The following THEMIS2 variants were observed in gnomAD, a reference collection of about 807,000 sequenced individuals.
The protein encoded by THEMIS2 is protein THEMIS2.
A neutral mutation model predicts 46.8 loss-of-function variants in THEMIS2; 29 were observed. The observed-to-expected ratio is 0.62, with a 90% confidence interval of 0.46 to 0.84. THEMIS2 has a LOEUF of 0.84. THEMIS2 is among the 40% of genes least tolerant of loss of function. The probability of loss-of-function intolerance (pLI) is 0.00; values close to 1 mark genes in which losing one functional copy is unlikely to be tolerated. For synonymous variants in THEMIS2, 335 were observed against 349.1 expected (o/e 0.96, Z 0.45); for missense variants, 698 against 834.7 (o/e 0.84, Z 2.02).
chr1:27,885,182 A>T (rs2089747549), intron 4 of THEMIS2, 113 bp from the exon 5 acceptor site: 4 of 1,147,664 alleles, frequency 3.5e-6, no homozygotes, highest in Non-Finnish European at 4.9e-6. Context: ...TAGCCTGAAA[A>T]GGAAGTAGAG....
chr1:27,886,220 C>T lies in THEMIS2; in HGVS notation c.*298C>T. 7.1e-6 allele frequency: 3 copies of T among 422,166 alleles called. No individual in the cohort carries two copies. The highest frequency in any genetic ancestry group is 4.7e-5 in the East Asian group (1 of 21,490). The allele number at this position is 422,166 out of a possible 1,614,324, so 26.2% of individuals were successfully genotyped here. On this transcript the variant is annotated 3_prime_UTR_variant, in exon 6 of 6. Coordinates refer to ENST00000373921, the MANE Select transcript of THEMIS2 (RefSeq NM_001105556.3). ...CTCTCAATCCTGCAACCCCAGCTGT[C>T]CCACCGGTGGATGCAGAGGGGAATC... is the stretch of plus-strand genomic sequence containing the variant.
Position 27,886,234 on chromosome 1 carries a change from C to T in THEMIS2, c.*312C>T. On this transcript the variant is annotated 3_prime_UTR_variant, in exon 6 of 6. Coordinates refer to ENST00000373921, the MANE Select transcript of THEMIS2 (RefSeq NM_001105556.3). ...ACCCCAGCTGTCCCACCGGTGGATG[C>T]AGAGGGGAATCCGAGGCCATCAACC... 2.5e-6 allele frequency: 1 copy of T among 394,954 alleles called. No individual in the cohort carries two copies. Among genetic ancestry groups the T allele is most frequent in the Non-Finnish European group, 4.7e-6 (1 of 213,572 alleles). The allele number at this position is 394,954 out of a possible 1,614,324, so 24.5% of individuals were successfully genotyped here. A position where few individuals can be genotyped will look rare whatever the true frequency, so the allele number is the denominator to read the frequency against.
Position 27,882,756 on chromosome 1 carries a change from G to A in THEMIS2, c.1432G>A (p.Glu478Lys). 2.5e-6 allele frequency: 4 copies of A among 1,613,990 alleles called. No individual in the cohort carries two copies. The highest frequency in any genetic ancestry group is 3.4e-6 in the Non-Finnish European group (4 of 1,179,990). Residue 478 changes from glutamate (E) to lysine (K), a missense_variant, in exon 4 of 6, where the codon GAG (glutamate) becomes AAG (lysine). Glu to Lys is a moderately conservative substitution (Grantham distance 56). Coordinates refer to ENST00000373921, the MANE Select transcript of THEMIS2 (RefSeq NM_001105556.3). This position sits in a 1 kb window ranked among gnomAD's most constrained non-coding sequence, Gnocchi z 7.6. ...GACCTCCTTCCTGGGCCTGCGGCTG[G>A]AGGAGAAGATCACAGAGCCATTCTT... is the stretch of plus-strand genomic sequence containing the variant. Reference protein sequence around the residue: ...PLTSFLGLRLEEKITEPFLVV... With the variant: ...PLTSFLGLRLKEKITEPFLVV...
intron 3 of THEMIS2, among the ~76,000 whole-genome samples, chr1:27,880,522 G>A (rs992241435): frequency 1.3e-5 from 2 of 152,118 alleles, no homozygotes; most frequent in Non-Finnish European, 2.9e-5. Context: ...TCTCGGCTAC[G>A]CCAGGTGCAG....
chr1:27,880,523 C>T (rs1279721760), intron 3 of THEMIS2, among the ~76,000 whole-genome samples: 2 of 152,154 alleles, frequency 1.3e-5, no homozygotes, highest in East Asian at 1.9e-4. Flanking sequence ...CTCGGCTACG[C>T]CAGGTGCAGT....
rs753672241 is a variant in THEMIS2, at chr1:27,882,639, C to T, written c.1315C>T (p.Arg439Cys). ...CGTGGAGGAGATGAGTGACAGCCGG[C>T]GCTACAGCCTGGCAGATCTGACTGC... ...SFVEEMSDSR[R>C]YSLADLTAQF... Residue 439 changes from arginine to cysteine, a missense_variant, in exon 4 of 6, where the codon CGC (arginine) becomes TGC (cysteine). Transcript: ENST00000373921. This position sits in a 1 kb window ranked among gnomAD's most constrained non-coding sequence, Gnocchi z 7.6. 1.5e-5 allele frequency: 24 copies of T among 1,613,998 alleles called. No homozygotes were observed. The highest frequency in any genetic ancestry group is 4.4e-5 in the South Asian group (4 of 91,086).
chr1:27,882,466 A>G lies in THEMIS2; in HGVS notation c.1142A>G (p.Gln381Arg). 6 of 1,613,092 alleles carry G rather than the reference A, an allele frequency of 3.7e-6. No homozygotes were observed. Among genetic ancestry groups the G allele is most frequent in the Non-Finnish European group, 5.1e-6 (6 of 1,179,226 alleles). ...CGGCTGGAGGTGCTGGGGCCTGGCCAGGCCCATGGGGCCCAGGGCAGTGAC... is the reference window on the plus strand; with the variant it reads ...CGGCTGGAGGTGCTGGGGCCTGGCCGGGCCCATGGGGCCCAGGGCAGTGAC... ...GDRLEVLGPG[Q>R]AHGAQGSDVD... The change falls in exon 4 of 6, where the codon CAG becomes CGG. Residue 381 changes from glutamine to arginine, a missense_variant. Coordinates refer to ENST00000373921, the MANE Select transcript of THEMIS2 (RefSeq NM_001105556.3). This position sits in a 1 kb window ranked among gnomAD's most constrained non-coding sequence, Gnocchi z 7.6.
chr1:27,876,163 G>T (rs926336642), intron 1 of THEMIS2, among the ~76,000 whole-genome samples: 5 of 150,502 alleles, frequency 3.3e-5, no homozygotes, highest in Admixed American at 1.3e-4. Flanking sequence ...TGATTTTGTA[G>T]CTGTACACTA....
chr1:27,882,159 T>C lies in THEMIS2; in HGVS notation c.835T>C (p.Trp279Arg). Residue 279 changes from tryptophan (W) to arginine (R), a missense_variant, in exon 4 of 6, where the codon TGG becomes CGG. Transcript: ENST00000373921. This position sits in a 1 kb window ranked among gnomAD's most constrained non-coding sequence, Gnocchi z 7.6. ...GGGCCGCCCCATCTTCCTCAGCCCGTGGGTGGGCTCCTTGCAAAAAGGCCA... is the reference window on the plus strand; with the variant it reads ...GGGCCGCCCCATCTTCCTCAGCCCGCGGGTGGGCTCCTTGCAAAAAGGCCA... ...PEGRPIFLSP[W>R]VGSLQKGQRL... The C allele has an allele frequency of 6.2e-7, 1 of 1,614,092 alleles. No individual in the cohort carries two copies. Among genetic ancestry groups the C allele is most frequent in the Non-Finnish European group, 8.5e-7 (1 of 1,179,998 alleles).
chr1:27,876,533 G>A (rs1349324055), intron 1 of THEMIS2, 55 bp from the exon 2 acceptor site: 8 of 1,587,982 alleles, frequency 5.0e-6, no homozygotes, highest in Non-Finnish European at 6.9e-6. Context: ...CAGGGCACAG[G>A]CTGCCCAGCA....
intron 4 of THEMIS2, 45 bp from the exon 5 acceptor site, chr1:27,885,250 C>T (rs1382750709): frequency 1.6e-5 from 26 of 1,603,386 alleles, no homozygotes; most frequent in Non-Finnish European, 2.2e-5. Context: ...GACTCTGCTT[C>T]CCCATTTCTT....
Position 27,885,496 on chromosome 1 carries a change from C to T in THEMIS2, c.1876+45C>T, listed in dbSNP as rs867568376. On this transcript the variant is annotated intron_variant, in intron 5 of 5. Transcript: ENST00000373921. ...GCTCACCCTTGTCCTTGTGTCTCCC[C>T]TCCCTACCTTGCTGCTTCCTTTGCC... 4 of 1,595,238 alleles carry T rather than the reference C, an allele frequency of 2.5e-6. No individual in the cohort carries two copies. The Middle Eastern group carries it at 8.1e-4, about 324-fold the overall frequency.
chr1:27,886,066 T>G lies in THEMIS2; in HGVS notation c.*144T>G. Reference sequence around the variant, plus strand: ...AGTAGCTTTGTGGAAACTGATTTGATGGACACTGCACCAGCTTCCTTCAGG... The same window carrying G: ...AGTAGCTTTGTGGAAACTGATTTGAGGGACACTGCACCAGCTTCCTTCAGG... On this transcript the variant is annotated 3_prime_UTR_variant, in exon 6 of 6. Coordinates refer to ENST00000373921, the MANE Select transcript of THEMIS2 (RefSeq NM_001105556.3). The G allele has an allele frequency of 1.4e-6, 1 of 727,166 alleles. No homozygotes were observed. Among genetic ancestry groups the G allele is most frequent in the Non-Finnish European group, 2.4e-6 (1 of 424,932 alleles). 45.0% of individuals were successfully genotyped at this position (727,166 alleles called of 1,614,324 possible). A position where few individuals can be genotyped will look rare whatever the true frequency, so the allele number is the denominator to read the frequency against.
rs1557446735 is a variant in THEMIS2 at position 27,876,625 on chromosome 1, C to CTCCACGGGGG, written c.133_142dup (p.Asp48ValfsTer19). The CTCCACGGGGG allele has an allele frequency of 6.2e-7, 1 of 1,614,090 alleles. No individual in the cohort carries two copies. The highest frequency in any genetic ancestry group is 8.5e-7 in the Non-Finnish European group (1 of 1,180,002). ...AGATCTCTGGGAATGAGTGCTGCCT[C>CTCCACGGGGG]TCCACGGGGGACCTGATCAAGGTCA... On this transcript the variant is annotated frameshift_variant, in exon 2 of 6. Coordinates refer to ENST00000373921, the MANE Select transcript of THEMIS2 (RefSeq NM_001105556.3). LOFTEE classifies it high-confidence loss of function.
At chr1:27,877,520 A>G (rs1002804819) in intron 2 of THEMIS2, among the ~76,000 whole-genome samples, 9 of 151,930 alleles carry the variant, frequency 5.9e-5, no homozygotes, top group East Asian at 1.9e-4. Flanking sequence ...GTAGAGACAA[A>G]GTTTCACCGT....
At chr1:27,880,237 C>T (rs1044404249) in intron 3 of THEMIS2, among the ~76,000 whole-genome samples, 183 bp downstream of exon 3, 5 of 152,124 alleles carry the variant, frequency 3.3e-5, no homozygotes, top group African/African-American at 1.2e-4. Context: ...GCTCTTGTTG[C>T]CCAAGCTGGA....
At chr1:27,873,006 C>A (rs1055973687) in intron 1 of THEMIS2, among the ~76,000 whole-genome samples, 1 of 152,166 alleles carries the variant, frequency 6.6e-6, no homozygotes, top group African/African-American at 2.4e-5. Context: ...CGCTGGTGGT[C>A]GTGGCTGCGT....
At chr1:27,885,083 A>C in intron 4 of THEMIS2, 17 of 499,162 alleles carry the variant, frequency 3.4e-5, no homozygotes, top group Non-Finnish European at 4.0e-5. Flanking sequence ...CCCCAACCCT[A>C]TCCTCATTTT....
At chr1:27,876,485 A>G (rs2089581487) in intron 1 of THEMIS2, 103 bp from the exon 2 acceptor site, 1 of 1,413,280 alleles carries the variant, frequency 7.1e-7, no homozygotes, top group Admixed American at 2.0e-5. Flanking sequence ...AGCAGGCACC[A>G]TGTGCAAAGG....
Sources: gnomAD v4.1 joint callset for allele counts (sites outside exome capture counted in the v4.1 genomes callset) on GRCh38, gnomAD v4.1.1 for gene constraint, Gnocchi (gnomAD v3.1) non-coding constraint, MANE v1.5 for transcripts, NCBI Gene and HGNC (gene_info 2026-07-23, HGNC 2026-07-21) for gene names.